Variants in RNF25 observed in about 807,000 individuals in gnomAD.
RNF25 encodes ring finger protein 25.
RNF25 carries 32 observed loss-of-function variants against 65.0 expected under a neutral mutation model. The observed-to-expected ratio is 0.49, with a 90% CI of 0.37 to 0.66. The LOEUF (loss-of-function observed/expected upper bound fraction) is 0.66, where lower values mean the gene tolerates loss of function less well. RNF25 is among the 30% of genes least tolerant of loss of function. The probability of loss-of-function intolerance (pLI) is 0.00; values close to 1 mark genes in which losing one functional copy is unlikely to be tolerated. For synonymous variants in RNF25, 207 were observed against 221.2 expected, an observed-to-expected ratio of 0.94 and a Z score of 0.57; for missense variants, 493 against 584.8, an observed-to-expected ratio of 0.84 and a Z score of 1.62.
In RNF25 at chr2:218,664,944, G is replaced by C; in HGVS notation, c.667-71C>G. 3.8e-6 allele frequency: 6 copies of C among 1,588,256 alleles called. No homozygotes were observed. The highest frequency in any genetic ancestry group is 5.1e-6 in the Non-Finnish European group (6 of 1,165,908). ...TGACTCAAACCTCTACTCCTCCCAG[G>C]CTGCCTCAGGAGATCTGCACTGGTT... On this transcript the variant is annotated intron_variant, in intron 8 of 9. Coordinates refer to ENST00000295704, the MANE Select transcript of RNF25 (RefSeq NM_022453.3). This position sits in a 1 kb window ranked among gnomAD's most constrained non-coding sequence, Gnocchi z 5.1.
In RNF25 at chr2:218,664,119, C is replaced by A; in HGVS notation, c.1218G>T (p.Trp406Cys). The change falls in exon 10 of 10, where the codon TGG becomes TGT. Residue 406 changes from tryptophan to cysteine, a missense_variant. Physicochemically the swap from Trp to Cys is radical, Grantham distance 215 (BLOSUM62 -2). Coordinates refer to ENST00000295704, the MANE Select transcript of RNF25 (RefSeq NM_022453.3). This position sits in a 1 kb window ranked among gnomAD's most constrained non-coding sequence, Gnocchi z 5.1. ...GPPQEKGPGS[W>C]QGPPPRRTRD... ...GAGTCCTGCGGGGTGGGGGCCCCTG[C>A]CAGCTGCCAGGCCCCTTCTCTTGTG... 1 of 1,523,204 alleles carries A rather than the reference C, an allele frequency of 6.6e-7. No individual in the cohort carries two copies. The highest frequency in any genetic ancestry group is 1.3e-5 in the South Asian group (1 of 75,654). The allele number at this position is 1,523,204 out of a possible 1,614,324, so 94.4% of individuals were successfully genotyped here. A position where few individuals can be genotyped will look rare whatever the true frequency, so the allele number is the denominator to read the frequency against.
At chr2:218,671,207 A>T (rs1939958322) in intron 1 of RNF25, among the ~76,000 whole-genome samples, 1 of 152,076 alleles carries the variant, frequency 6.6e-6, no homozygotes, top group African/African-American at 2.4e-5. Flanking sequence ...AAACAGACTT[A>T]AGTATATTAC....
At chr2:218,667,829 C>A in intron 5 of RNF25, 83 bp downstream of exon 5, 1 of 1,280,872 alleles carries the variant, frequency 7.8e-7, no homozygotes, top group South Asian at 1.3e-5. Context: ...GTTTAAGATT[C>A]TAGGCCCATG....
chr2:218,664,102 C>CG lies in RNF25; in HGVS notation c.1234dup (p.Arg412ProfsTer13). On this transcript the variant is annotated frameshift_variant, in exon 10 of 10. Transcript: ENST00000295704. LOFTEE classifies it high-confidence loss of function. This position sits in a 1 kb window ranked among gnomAD's most constrained non-coding sequence, Gnocchi z 5.1. ...CCAGCGAACACAGTCCCGAGTCCTG[C>CG]GGGGTGGGGGCCCCTGCCAGCTGCC... is the stretch of plus-strand genomic sequence containing the variant. The CG allele has an allele frequency of 6.6e-7, 1 of 1,522,916 alleles. No homozygotes were observed. Among genetic ancestry groups the CG allele is most frequent in the Non-Finnish European group, 8.8e-7 (1 of 1,138,036 alleles). The allele number at this position is 1,522,916 out of a possible 1,614,324, so 94.3% of individuals were successfully genotyped here.
intron 5 of RNF25, among the ~76,000 whole-genome samples, chr2:218,666,623 C>T (rs1195839965): frequency 3.3e-5 from 5 of 152,174 alleles, no homozygotes; most frequent in African/African-American, 7.2e-5. Context: ...TGTTCTAAGT[C>T]AGCTTTCAGA....
intron 5 of RNF25, 27 bp downstream of exon 5, chr2:218,667,884 AC>A: frequency 6.2e-7 from 1 of 1,604,788 alleles, no homozygotes; most frequent in Non-Finnish European, 8.5e-7. Context: ...GAAGGAAAGA[AC>A]ATATCTCAGA....
chr2:218,666,128 C>G (rs1939821819), intron 6 of RNF25, 31 bp downstream of exon 6: 6 of 1,612,642 alleles, frequency 3.7e-6, no homozygotes, highest in South Asian at 2.2e-5. Context: ...TGGTCCCAAA[C>G]AGAATGCCAG....
chr2:218,666,739 A>T (rs1372895009), intron 5 of RNF25, among the ~76,000 whole-genome samples: 1 of 152,176 alleles, frequency 6.6e-6, no homozygotes, highest in Non-Finnish European at 1.5e-5. Flanking sequence ...CTAATAGTGT[A>T]CTCTGGAATT....
chr2:218,668,360 G>T lies in RNF25; in HGVS notation c.117-19C>A. On this transcript the variant is annotated intron_variant, in intron 2 of 9. Transcript: ENST00000295704. ...TGAAGTTCTGCAGGTGGATCAAGTG[G>T]ACACGCAGATGTGACTGGGTAGGGG... The T allele has an allele frequency of 1.3e-6, 2 of 1,487,724 alleles. No individual in the cohort carries two copies. The highest frequency in any genetic ancestry group is 1.9e-6 in the Non-Finnish European group (2 of 1,078,304). 92.2% of individuals were successfully genotyped at this position (1,487,724 alleles called of 1,614,324 possible).
At chr2:218,665,319 CT>C in intron 7 of RNF25, 72 bp from the exon 8 acceptor site, 1 of 1,376,794 alleles carries the variant, frequency 7.3e-7, no homozygotes, top group South Asian at 1.3e-5. Context: ...ATCAGCCAAC[CT>C]AATCTGCAGA....
In RNF25 at chr2:218,668,646, G is replaced by T. The variant is rs1939887908; in HGVS notation, c.75C>A (p.Ser25=). The change falls in exon 2 of 10, where the codon TCC becomes TCA. Residue 25 remains serine (S), a synonymous_variant. Transcript: ENST00000295704. ...TCACCTGTAGTTCATCTAGATAGAT[G>T]GACTCCAATACTTCAACTTCAGAGG... ...VLPSEVEVLE[S]IYLDELQVIK... 6.2e-7 allele frequency: 1 copy of T among 1,611,660 alleles called. No individual in the cohort carries two copies. Among genetic ancestry groups the T allele is most frequent in the Non-Finnish European group, 8.5e-7 (1 of 1,178,008 alleles).
rs1939872261 is a variant in RNF25 at position 218,668,065 on chromosome 2, C to T, written c.287+14G>A. On this transcript the variant is annotated intron_variant, in intron 4 of 9. Coordinates refer to ENST00000295704, the MANE Select transcript of RNF25 (RefSeq NM_022453.3). ...TGTAGCTGAGTTTTCCCTGTTCTGA[C>T]AGGTTCAACTTACGTGTGGATCTGT... is the stretch of plus-strand genomic sequence containing the variant. 1 of 1,613,684 alleles carries T rather than the reference C, an allele frequency of 6.2e-7. No individual in the cohort carries two copies. Among genetic ancestry groups the T allele is most frequent in the African/African-American group, 1.3e-5 (1 of 74,928 alleles).
rs1342925569 is a variant in RNF25, at chr2:218,663,926, C to T, written c.*31G>A. The T allele has an allele frequency of 2.1e-6, 3 of 1,412,320 alleles. No homozygotes were observed. The highest frequency in any genetic ancestry group is 4.0e-5 in the South Asian group (2 of 50,284). The allele number at this position is 1,412,320 out of a possible 1,614,324, so 87.5% of individuals were successfully genotyped here. ...ATATCTTTATTGCCTCCCTCCCATC[C>T]CCAATTCCCTGTTCCCCCCACCAAG... On this transcript the variant is annotated 3_prime_UTR_variant, in exon 10 of 10. Coordinates refer to ENST00000295704, the MANE Select transcript of RNF25 (RefSeq NM_022453.3).
At position 218,665,223 on chromosome 2, in the gene RNF25, C is replaced by T. The variant is rs780539985; in HGVS notation, c.598G>A (p.Val200Met). ...TCATACACGAGGGGCTCTCTGCACA[C>T]TGGACACTGCACACCGACTGCCTTC... Reference protein sequence around the residue: ...KQKAVGVQCPVCREPLVYDLA... With the variant: ...KQKAVGVQCPMCREPLVYDLA... The change falls in exon 8 of 10, where the codon GTG (valine) becomes ATG (methionine). Residue 200 changes from valine to methionine, a missense_variant. Physicochemically the swap from Val to Met is conservative, Grantham distance 21. Coordinates refer to ENST00000295704, the MANE Select transcript of RNF25 (RefSeq NM_022453.3). 2 of 1,614,106 alleles carry T rather than the reference C, an allele frequency of 1.2e-6. No individual in the cohort carries two copies. The highest frequency in any genetic ancestry group is 2.2e-5 in the South Asian group (2 of 91,070).
chr2:218,667,069 G>A (rs1294535190), intron 5 of RNF25, among the ~76,000 whole-genome samples: 1 of 151,630 alleles, frequency 6.6e-6, no homozygotes, highest in African/African-American at 2.4e-5. Flanking sequence ...CTGGGAGGCT[G>A]AGGCAGGAGA....
In RNF25 at chr2:218,671,951, G is replaced by A; in HGVS notation, c.20C>T (p.Ala7Val). 3 of 1,614,218 alleles carry A rather than the reference G, an allele frequency of 1.9e-6. No homozygotes were observed. Among genetic ancestry groups the A allele is most frequent in the Non-Finnish European group, 2.5e-6 (3 of 1,180,038 alleles). Residue 7 changes from alanine to valine, a missense_variant, in exon 1 of 10, where the codon GCA (alanine) becomes GTA (valine). Transcript: ENST00000295704. ...TTACCAGTCCTCCTCCCCTGCAGCT[G>A]CAGACGCAGACGCCGCCATATCTTC... The part of the protein sequence containing the change: MAASAS[A>V]AAGEEDWVLP...
chr2:218,666,284 G>T, intron 5 of RNF25, 54 bp from the exon 6 acceptor site: 1 of 1,438,128 alleles, frequency 7.0e-7, no homozygotes, highest in Non-Finnish European at 9.7e-7. Flanking sequence ...CGGTGAGCAA[G>T]GCCTGTCTAC....
At position 218,671,958 on chromosome 2, in the gene RNF25, C is replaced by T. The variant is rs755400442; in HGVS notation, c.13G>A (p.Ala5Thr). 7.4e-6 allele frequency: 12 copies of T among 1,614,212 alleles called. No individual in the cohort carries two copies. The highest frequency in any genetic ancestry group is 1.0e-5 in the Non-Finnish European group (12 of 1,180,032). The change falls in exon 1 of 10, where the codon GCG becomes ACG. Residue 5 changes from alanine (A) to threonine (T), a missense_variant. Coordinates refer to ENST00000295704, the MANE Select transcript of RNF25 (RefSeq NM_022453.3). ...TCCTCCTCCCCTGCAGCTGCAGACG[C>T]AGACGCCGCCATATCTTCACCGGCC... MAAS[A>T]SAAAGEEDWV...
At chr2:218,668,781 G>A in intron 1 of RNF25, 102 bp from the exon 2 acceptor site, 2 of 806,196 alleles carry the variant, frequency 2.5e-6, no homozygotes, top group Non-Finnish European at 4.3e-6. Flanking sequence ...CAATCTACCA[G>A]AATGCATTCT....
Sources: allele counts gnomAD v4.1 joint callset (sites outside exome capture counted in the v4.1 genomes callset), GRCh38; gene constraint gnomAD v4.1.1; non-coding constraint Gnocchi (gnomAD v3.1); transcripts MANE v1.5; gene names NCBI Gene and HGNC (gene_info 2026-07-23, HGNC 2026-07-21).